The following IL27RA variants were observed in gnomAD, a reference collection of about 807,000 sequenced individuals.
IL27RA encodes the protein interleukin 27 receptor subunit alpha, also known as interleukin-27 receptor subunit alpha.
IL27RA carries 61 observed loss-of-function variants against 80.8 expected under a neutral mutation model. The ratio of observed to expected loss-of-function variants is 0.76; its 90% CI spans 0.61 to 0.93. The LOEUF (loss-of-function observed/expected upper bound fraction) is 0.93, where lower values mean the gene tolerates loss of function less well. IL27RA is among the 40% of genes least tolerant of loss of function. The pLI is 0.00. For missense variants in IL27RA, 735 were observed against 808.1 expected, an observed-to-expected ratio of 0.91 and a Z score of 1.10; for synonymous variants, 316 against 332.5, an observed-to-expected ratio of 0.95 and a Z score of 0.54.
chr19:14,045,469 C>T (rs1012809517), intron 6 of IL27RA, among the ~76,000 whole-genome samples: 3 of 151,204 alleles, frequency 2.0e-5, no homozygotes, highest in African/African-American at 7.3e-5. Flanking sequence ...GACGTGGTGG[C>T]AGGCGCCTGT....
At chr19:14,039,243 C>T (rs536850068) in intron 2 of IL27RA, among the ~76,000 whole-genome samples, 173 of 148,828 alleles carry the variant, frequency 1.2e-3, no homozygotes, top group Non-Finnish European at 2.0e-3. Context: ...GCCAAGATCA[C>T]GACATTATAC....
intron 6 of IL27RA, among the ~76,000 whole-genome samples, chr19:14,044,685 T>C (rs1976038280): frequency 6.6e-6 from 1 of 152,066 alleles, no homozygotes; most frequent in South Asian, 2.1e-4. Flanking sequence ...CTGTTTTTAC[T>C]TTAAAATCTT....
rs1451048713 is a variant in IL27RA, at chr19:14,031,764, T to G, written c.-109T>G. On this transcript the variant is annotated 5_prime_UTR_variant, in exon 1 of 14. Coordinates refer to ENST00000263379, the MANE Select transcript of IL27RA (RefSeq NM_004843.4). ...TGCGGAGGCGGCCTGCCGGGGTGGT[T>G]CGGCTTCCCGTTGCCGCCTCGGGCG... is the stretch of plus-strand genomic sequence containing the variant. 1 of 882,266 alleles carries G rather than the reference T, an allele frequency of 1.1e-6. No individual in the cohort carries two copies. The highest frequency in any genetic ancestry group is 1.7e-5 in the South Asian group (1 of 58,022). 54.7% of individuals were successfully genotyped at this position (882,266 alleles called of 1,614,324 possible). A position where few individuals can be genotyped will look rare whatever the true frequency, so the allele number is the denominator to read the frequency against.
intron 11 of IL27RA, among the ~76,000 whole-genome samples, chr19:14,051,182 G>A (rs1976156603): frequency 6.6e-6 from 1 of 152,138 alleles, no homozygotes; most frequent in Non-Finnish European, 1.5e-5. Flanking sequence ...CCCAGGAGTT[G>A]GAGGCTGCAG....
rs1417149815 is a variant in IL27RA, at chr19:14,051,679, T to C, written c.1601T>C (p.Leu534Pro). 6.2e-7 allele frequency: 1 copy of C among 1,610,074 alleles called. No homozygotes were observed. The highest frequency in any genetic ancestry group is 1.1e-5 in the South Asian group (1 of 90,734). ...GGCTTGTTCCTGTTGGGGTGTGGCC[T>C]GAGCCTGGCCACCTCTGGAAGGTGA... ...LWGLFLLGCG[L>P]SLATSGRCYH... is the part of the protein sequence containing the mutation. Residue 534 changes from leucine to proline, a missense_variant, in exon 12 of 14, where the codon CTG becomes CCG. By Grantham distance (98) the Leu-to-Pro change is moderately conservative (BLOSUM62 -3). Transcript: ENST00000263379.
intron 7 of IL27RA, 34 bp from the exon 8 acceptor site, chr19:14,046,396 G>C: frequency 6.2e-7 from 1 of 1,614,026 alleles, no homozygotes; most frequent in East Asian, 2.2e-5. Flanking sequence ...GTGACTTCCT[G>C]AGTGGGCAGC....
At chr19:14,043,475 A>G (rs1257312632) in intron 6 of IL27RA, among the ~76,000 whole-genome samples, 3 of 151,988 alleles carry the variant, frequency 2.0e-5, no homozygotes, top group Non-Finnish European at 4.4e-5. Context: ...GCTGGAGTGC[A>G]GCAGCGTCAT....
intron 2 of IL27RA, among the ~76,000 whole-genome samples, chr19:14,037,832 C>CTTTTTTTT (rs1555764859): frequency 8.0e-6 from 1 of 125,056 alleles, no homozygotes; most frequent in East Asian, 3.0e-4. Flanking sequence ...CGCTCTCTCT[C>CTTTTTTTT]TCTTTTTTTT....
At position 14,052,855 on chromosome 19, in the gene IL27RA, G is replaced by T. The variant is rs1976201137; in HGVS notation, c.*565G>T. The T allele has an allele frequency of 6.6e-6, 1 of 151,200 alleles. No homozygotes were observed. Among genetic ancestry groups the T allele is most frequent in the Admixed American group, 6.6e-5 (1 of 15,148 alleles). The allele number at this position is 151,200 out of a possible 1,614,324, so 9.4% of individuals were successfully genotyped here. On this transcript the variant is annotated 3_prime_UTR_variant, in exon 14 of 14. Transcript: ENST00000263379. ...GATTGCACCACTGCACTCCAGGCTG[G>T]GTAACAGAATGAGACCTTATCTCAA...
Position 14,042,460 on chromosome 19 carries a change from C to G in IL27RA, c.542C>G (p.Pro181Arg). 6.2e-7 allele frequency: 1 copy of G among 1,613,700 alleles called. No homozygotes were observed. Among genetic ancestry groups the G allele is most frequent in the Non-Finnish European group, 8.5e-7 (1 of 1,179,740 alleles). Residue 181 changes from proline (P) to arginine (R), a missense_variant, in exon 5 of 14, where the codon CCG becomes CGG. Coordinates refer to ENST00000263379, the MANE Select transcript of IL27RA (RefSeq NM_004843.4). ...CGCCTGTCTCTCCCCCAGCTGGAAC[C>G]GGAGCTGAAGACCATACCCCTGACC... is the stretch of plus-strand genomic sequence containing the variant. ...CQEAAWTLLEPELKTIPLTPV... is the reference protein window; with the variant it reads ...CQEAAWTLLERELKTIPLTPV...
Position 14,039,188 on chromosome 19 carries a change from G to A in IL27RA, c.219-320G>A, listed in dbSNP as rs143483502. ...TATAATTCTAGCTACTTGGGAGGAT[G>A]AGGTGGGAGGATCACTTGAACCCAG... On this transcript the variant is annotated intron_variant, in intron 2 of 13. Transcript: ENST00000263379. 7.1e-3 allele frequency among the ~76,000 whole-genome samples: 1,079 copies of A among 151,852 alleles called. 13 individuals carry two copies. The highest frequency in any genetic ancestry group is 0.024 in the African/African-American group (991 of 41,374).
chr19:14,032,218 G>C lies in IL27RA; in HGVS notation c.101-168G>C, dbSNP rs116005020. 4.0e-3 allele frequency among the ~76,000 whole-genome samples: 614 copies of C among 152,284 alleles called. 4 individuals carry two copies. The highest frequency in any genetic ancestry group is 0.014 in the African/African-American group (589 of 41,568). ...CAGGATGTGGCGAGCACAGGGAAAG[G>C]GGGGGTTTGCACGGAGCCCGGGCAG... is the stretch of plus-strand genomic sequence containing the variant. On this transcript the variant is annotated intron_variant, in intron 1 of 13. Transcript: ENST00000263379.
Position 14,031,853 on chromosome 19 carries a change from CG to C in IL27RA, c.-16del. 6.3e-7 allele frequency: 1 copy of C among 1,576,124 alleles called. No homozygotes were observed. The highest frequency in any genetic ancestry group is 8.6e-7 in the Non-Finnish European group (1 of 1,162,296). On this transcript the variant is annotated 5_prime_UTR_variant, in exon 1 of 14. Coordinates refer to ENST00000263379, the MANE Select transcript of IL27RA (RefSeq NM_004843.4). ...GGACCCGGCAAGGCTGGGCCGGACT[CG>C]GGGCTCCCGAGGGACGCCATGCGGG...
At chr19:14,033,556 T>G (rs1191415199) in intron 2 of IL27RA, among the ~76,000 whole-genome samples, 1 of 149,366 alleles carries the variant, frequency 6.7e-6, no homozygotes, top group Admixed American at 6.7e-5. Context: ...TTCCAGCTAC[T>G]CGGGAGGCTG....
chr19:14,039,345 A>G (rs1975952926), intron 2 of IL27RA, among the ~76,000 whole-genome samples, 163 bp from the exon 3 acceptor site: 1 of 152,114 alleles, frequency 6.6e-6, no homozygotes, highest in South Asian at 2.1e-4. Flanking sequence ...TGATGCACAG[A>G]GAAGTTAAGT....
intron 10 of IL27RA, 119 bp downstream of exon 10, chr19:14,049,433 C>T (rs1976125680): frequency 1.3e-5 from 12 of 944,480 alleles, no homozygotes; most frequent in Non-Finnish European, 1.8e-5. Context: ...ATGGTGTCCT[C>T]AATTCCCTCT....
Position 14,046,221 on chromosome 19 carries a change from C to T in IL27RA, c.836C>T (p.Pro279Leu). 1 of 1,614,170 alleles carries T rather than the reference C, an allele frequency of 6.2e-7. No individual in the cohort carries two copies. Among genetic ancestry groups the T allele is most frequent in the Non-Finnish European group, 8.5e-7 (1 of 1,180,028 alleles). Residue 279 changes from proline (P) to leucine (L), a missense_variant, in exon 7 of 14, where the codon CCA becomes CTA. Physicochemically the swap from Pro to Leu is moderately conservative, Grantham distance 98. Transcript: ENST00000263379. ...WFWVGGRELS[P>L]EGITCCCSLI... is the part of the protein sequence containing the mutation. ...TGGGTTGGAGGTCGTGAGCTGAGTC[C>T]AGAAGGAATTACCTGCTGCTGCTCC...
chr19:14,041,281 T>G lies in IL27RA; in HGVS notation c.535-1172T>G, dbSNP rs934473007. Among the ~76,000 whole-genome samples the G allele has an allele frequency of 2.0e-5, 3 of 151,908 alleles. No individual in the cohort carries two copies. In the East Asian group the frequency reaches 5.8e-4, roughly 29 times the overall value. ...GGTGCCATCTCAACTCACTGCAACC[T>G]CCACCTCTCAGGTTCAAGTGATTCC... On this transcript the variant is annotated intron_variant, in intron 4 of 13. Transcript: ENST00000263379.
At chr19:14,048,192 A>C (rs1976099173) in intron 8 of IL27RA, among the ~76,000 whole-genome samples, 2 of 149,006 alleles carry the variant, frequency 1.3e-5, no homozygotes. Context: ...TCCTGAGCTC[A>C]GGCAATCCAC....
Sources: allele counts gnomAD v4.1 joint callset (sites outside exome capture counted in the v4.1 genomes callset), GRCh38; gene constraint gnomAD v4.1.1; transcripts MANE v1.5; gene names NCBI Gene and HGNC (gene_info 2026-07-23, HGNC 2026-07-21).